The following SDK1 variants were observed in gnomAD, a reference collection of about 807,000 sequenced individuals.
SDK1 encodes the protein sidekick cell adhesion molecule 1.
Under a neutral mutation model 245.5 loss-of-function variants are expected in SDK1, and 157 were observed. The ratio of observed to expected loss-of-function variants is 0.64; its 90% CI spans 0.56 to 0.73. The LOEUF is 0.73. Among genes scored for constraint, SDK1 ranks in the 30% least tolerant of loss-of-function variants. The pLI, the probability that SDK1 is intolerant of heterozygous loss-of-function variation, is 0.00. For synonymous variants in SDK1, 1,647 were observed against 1,278.5 expected (o/e 1.29, Z -6.15); for missense variants, 3,583 against 3,002.3 (o/e 1.19, Z -4.52).
intron 1 of SDK1, among the ~76,000 whole-genome samples, chr7:3,517,061 C>G (rs1362484146): frequency 6.6e-6 from 1 of 152,038 alleles, no homozygotes; most frequent in Non-Finnish European, 1.5e-5. Context: ...TCTCTGTAGT[C>G]TGTATTTTAT....
At chr7:3,804,195 A>G (rs907544567) in intron 4 of SDK1, among the ~76,000 whole-genome samples, 2 of 152,206 alleles carry the variant, frequency 1.3e-5, no homozygotes, top group Admixed American at 1.3e-4. Flanking sequence ...TTTCTCTGAT[A>G]TCTTCTCCTA....
At chr7:3,854,139 A>G (rs1562492086) in intron 5 of SDK1, among the ~76,000 whole-genome samples, 2 of 152,138 alleles carry the variant, frequency 1.3e-5, no homozygotes, top group Non-Finnish European at 2.9e-5. Context: ...CTTGAGAAGG[A>G]TATTATAGAT....
intron 4 of SDK1, among the ~76,000 whole-genome samples, chr7:3,715,082 G>T (rs182544224): frequency 2.0e-5 from 3 of 152,194 alleles, no homozygotes; most frequent in Admixed American, 2.0e-4. Context: ...CTTAAAATCT[G>T]TTAAATGCTA....
rs1052110014 is a variant in SDK1, at chr7:3,327,347, G to A, written c.298+25463G>A. Reference sequence around the variant, plus strand: ...TTTCAGGGATAACAAGGAAGAAGCTGCTAATTAAGTAGCAATAAATTTTAT... The same window carrying A: ...TTTCAGGGATAACAAGGAAGAAGCTACTAATTAAGTAGCAATAAATTTTAT... On this transcript the variant is annotated intron_variant, in intron 1 of 44. Transcript: ENST00000404826. Among the ~76,000 whole-genome samples, 4 of 152,136 alleles carry A rather than the reference G, an allele frequency of 2.6e-5. No individual in the cohort carries two copies. The East Asian group carries it at 7.7e-4, about 29-fold the overall frequency.
intron 1 of SDK1, among the ~76,000 whole-genome samples, chr7:3,569,234 A>G (rs1014769550): frequency 2.0e-5 from 3 of 152,026 alleles, no homozygotes; most frequent in African/African-American, 4.8e-5. Context: ...ACAAGGAAAA[A>G]CAGAAGTCGG....
rs1378974640 is a variant in SDK1, at chr7:4,089,548, G to A, written c.3324+9964G>A. 2.6e-5 allele frequency among the ~76,000 whole-genome samples: 4 copies of A among 152,276 alleles called. No individual in the cohort carries two copies. The East Asian group carries it at 5.8e-4, about 22-fold the overall frequency. On this transcript the variant is annotated intron_variant, in intron 22 of 44. Coordinates refer to ENST00000404826, the MANE Select transcript of SDK1 (RefSeq NM_152744.4). ...GGGCAAGCTTCCTGCCTTCCCCATC[G>A]TGGGCTTGCCCCTTCCCCAGGCCTG...
rs544436902 is a variant in SDK1 at position 3,662,124 on chromosome 7, C to G, written c.713+20019C>G. Among the ~76,000 whole-genome samples the G allele has an allele frequency of 4.2e-5, 6 of 141,570 alleles. No homozygotes were observed. The East Asian group carries it at 8.7e-4, about 21-fold the overall frequency. The allele number at this position is 141,570 out of a possible 152,430, so 92.9% of individuals were successfully genotyped here. On this transcript the variant is annotated intron_variant, in intron 4 of 44. Transcript: ENST00000404826. The stretch of plus-strand genomic sequence containing the variant: ...TGCATTCTGTATATCTGGTTACTTT[C>G]ATCCCATCTGGAGGCACAACAATTA...
intron 25 of SDK1, among the ~76,000 whole-genome samples, chr7:4,114,700 T>C (rs541315341): frequency 3.9e-5 from 6 of 152,216 alleles, no homozygotes; most frequent in Non-Finnish European, 8.8e-5. Context: ...TGCTTGAACA[T>C]AATAGGAGTT....
intron 1 of SDK1, among the ~76,000 whole-genome samples, chr7:3,459,158 T>C (rs1449394124): frequency 6.6e-6 from 1 of 152,236 alleles, no homozygotes; most frequent in Non-Finnish European, 1.5e-5. Flanking sequence ...CTTTTTGTTG[T>C]AACTCTTGCA....
Position 4,011,803 on chromosome 7 carries a change from C to T in SDK1, c.2280-292C>T, listed in dbSNP as rs558129273. On this transcript the variant is annotated intron_variant, in intron 15 of 44. Transcript: ENST00000404826. ...CTGAGACGGCAGGCCGACGAGCGGACGCATTCAGGCTTGCAGTCTTTCTAA... is the reference window on the plus strand; with the variant it reads ...CTGAGACGGCAGGCCGACGAGCGGATGCATTCAGGCTTGCAGTCTTTCTAA... Among the ~76,000 whole-genome samples, 5 of 152,248 alleles carry T rather than the reference C, an allele frequency of 3.3e-5. No homozygotes were observed. In the South Asian group the frequency reaches 6.2e-4, roughly 19 times the overall value.
At chr7:3,824,387 G>T (rs767217603) in intron 5 of SDK1, among the ~76,000 whole-genome samples, 1 of 152,124 alleles carries the variant, frequency 6.6e-6, no homozygotes, top group Non-Finnish European at 1.5e-5. Flanking sequence ...ATTTTTGCTT[G>T]CTGTCGGGAG....
In SDK1 at chr7:3,356,768, C is replaced by A. The variant is rs190126418; in HGVS notation, c.298+54884C>A. ...GCGTTCTTTTGTACAAAAAATACATCTTTCTGAGGCCAGGCACGGTGGCTC... is the reference window on the plus strand; with the variant it reads ...GCGTTCTTTTGTACAAAAAATACATATTTCTGAGGCCAGGCACGGTGGCTC... On this transcript the variant is annotated intron_variant, in intron 1 of 44. Coordinates refer to ENST00000404826, the MANE Select transcript of SDK1 (RefSeq NM_152744.4). 5.9e-5 allele frequency among the ~76,000 whole-genome samples: 9 copies of A among 152,086 alleles called. No individual in the cohort carries two copies. The East Asian group carries it at 1.7e-3, about 29-fold the overall frequency.
chr7:3,312,994 T>C (rs769406977), intron 1 of SDK1, among the ~76,000 whole-genome samples: 14 of 152,226 alleles, frequency 9.2e-5, no homozygotes, highest in Non-Finnish European at 1.8e-4. Flanking sequence ...AGTTGATGTC[T>C]AGACTGGCAG....
intron 40 of SDK1, among the ~76,000 whole-genome samples, chr7:4,222,110 C>T (rs1295767835): frequency 6.6e-6 from 1 of 152,152 alleles, no homozygotes; most frequent in Non-Finnish European, 1.5e-5. Context: ...AACCATCAAA[C>T]CCCACCTGCC....
intron 1 of SDK1, among the ~76,000 whole-genome samples, chr7:3,465,473 CTTG>C (rs1260390226): frequency 6.6e-6 from 1 of 152,184 alleles, no homozygotes; most frequent in Non-Finnish European, 1.5e-5. Flanking sequence ...GGGATACTCT[CTTG>C]TGCCTCACAT....
Position 4,220,248 on chromosome 7 carries a change from T to C in SDK1, c.5679T>C (p.Asn1893=). Residue 1893 remains asparagine (N), a synonymous_variant, in exon 39 of 45, where the codon AAT becomes AAC. Coordinates refer to ENST00000404826, the MANE Select transcript of SDK1 (RefSeq NM_152744.4). ...TITYGPELQA[N]ITAGPAEGSP... ...CCTACGGGCCCGAGCTCCAAGCCAATATCACAGCCGGGCCAGCCGAGGGTA... is the reference window on the plus strand; with the variant it reads ...CCTACGGGCCCGAGCTCCAAGCCAACATCACAGCCGGGCCAGCCGAGGGTA... 1.9e-6 allele frequency: 3 copies of C among 1,613,810 alleles called. No homozygotes were observed. Among genetic ancestry groups the C allele is most frequent in the Non-Finnish European group, 2.5e-6 (3 of 1,179,914 alleles).
intron 1 of SDK1, among the ~76,000 whole-genome samples, chr7:3,380,293 AAGG>A (rs1335980251): frequency 6.6e-6 from 1 of 152,212 alleles, no homozygotes; most frequent in Non-Finnish European, 1.5e-5. Flanking sequence ...GACTTACACA[AAGG>A]AGAACATTAT....
chr7:4,155,325 G>T (rs1347327545), intron 30 of SDK1, among the ~76,000 whole-genome samples: 1 of 151,954 alleles, frequency 6.6e-6, no homozygotes, highest in South Asian at 2.1e-4. Context: ...CAGGCCTCAC[G>T]CTAAGAACCC....
rs1443429729 is a variant in SDK1 at position 3,971,501 on chromosome 7, G to A, written c.1750G>A (p.Val584Met). The change falls in exon 12 of 45, where the codon GTG becomes ATG. Residue 584 changes from valine to methionine, a missense_variant. Coordinates refer to ENST00000404826, the MANE Select transcript of SDK1 (RefSeq NM_152744.4). ...TSIVHPPEDH[V>M]VIKGTTATLH... ...CATCGTCCACCCTCCTGAGGACCAC[G>A]TGGTGATTAAGGGGACCACGGCCAC... The A allele has an allele frequency of 4.3e-6, 7 of 1,613,606 alleles. No individual in the cohort carries two copies. The East Asian group carries it at 6.7e-5, about 15-fold the overall frequency.
Sources: gnomAD v4.1 joint callset for allele counts (sites outside exome capture counted in the v4.1 genomes callset) on GRCh38, gnomAD v4.1.1 for gene constraint, MANE v1.5 for transcripts, NCBI Gene and HGNC (gene_info 2026-07-23, HGNC 2026-07-21) for gene names.